Variants in SULT4A1 observed in about 807,000 individuals in gnomAD.
SULT4A1 encodes sulfotransferase 4A1.
Under a neutral mutation model 35.2 loss-of-function variants are expected in SULT4A1, and 11 were observed. That is an observed-to-expected ratio of 0.31 (90% CI 0.20 to 0.52). The LOEUF (loss-of-function observed/expected upper bound fraction) is 0.52, where lower values mean the gene tolerates loss of function less well. Among genes scored for constraint, SULT4A1 ranks in the 20% least tolerant of loss-of-function variants. The pLI is 0.97. For missense variants in SULT4A1, 271 were observed against 383.7 expected (o/e 0.71, Z 2.45); for synonymous variants, 152 against 151.8 (o/e 1.00, Z -0.01).
intron 1 of SULT4A1, among the ~76,000 whole-genome samples, chr22:43,843,674 A>G (rs1441713175): frequency 6.6e-6 from 1 of 152,224 alleles, no homozygotes; most frequent in African/African-American, 2.4e-5. Flanking sequence ...AGCTGAACAC[A>G]TGGGGGTTCC....
intron 5 of SULT4A1, among the ~76,000 whole-genome samples, chr22:43,829,428 G>T (rs995956794): frequency 2.6e-5 from 4 of 152,102 alleles, no homozygotes; most frequent in Admixed American, 2.6e-4. Context: ...GGTCCTCCAG[G>T]GAATTGGGTT....
At chr22:43,841,613 T>A (rs1278546839) in intron 2 of SULT4A1, among the ~76,000 whole-genome samples, 189 bp downstream of exon 2, 1 of 152,136 alleles carries the variant, frequency 6.6e-6, no homozygotes, top group Non-Finnish European at 1.5e-5. Context: ...GACGCTGATG[T>A]GTCACCCACG....
chr22:43,844,755 C>A (rs917384269), intron 1 of SULT4A1, among the ~76,000 whole-genome samples: 1 of 152,306 alleles, frequency 6.6e-6, no homozygotes, highest in South Asian at 2.1e-4. Context: ...CCCTTCAAGT[C>A]GGCCTTTTCT....
At chr22:43,835,206 G>A (rs1401484141) in intron 4 of SULT4A1, among the ~76,000 whole-genome samples, 1 of 152,246 alleles carries the variant, frequency 6.6e-6, no homozygotes, top group Non-Finnish European at 1.5e-5. Flanking sequence ...GGTGTGGGGT[G>A]GGGCACACAG....
At chr22:43,835,437 G>A (rs973677558) in intron 4 of SULT4A1, among the ~76,000 whole-genome samples, 1 of 152,198 alleles carries the variant, frequency 6.6e-6, no homozygotes, top group Non-Finnish European at 1.5e-5. Context: ...GAGGAGCGCT[G>A]GCTGTAGAGA....
At chr22:43,841,225 G>C (rs994841686) in intron 2 of SULT4A1, among the ~76,000 whole-genome samples, 5 of 152,192 alleles carry the variant, frequency 3.3e-5, no homozygotes, top group African/African-American at 1.2e-4. Flanking sequence ...GGGAGGGATG[G>C]CACTCTCAGA....
chr22:43,860,325 C>CT (rs1403461811), intron 1 of SULT4A1, among the ~76,000 whole-genome samples: 1 of 58 alleles, frequency 0.017, no homozygotes, highest in Non-Finnish European at 0.033. Context: ...CCAGATGGGG[C>CT]CCTCTCGGCT....
At chr22:43,856,081 T>G (rs2049398397) in intron 1 of SULT4A1, among the ~76,000 whole-genome samples, 1 of 152,198 alleles carries the variant, frequency 6.6e-6, no homozygotes, top group Admixed American at 6.5e-5. Context: ...CAGGCTCTTC[T>G]CCAGACCTAG....
At chr22:43,828,976 C>G (rs35440494) in intron 6 of SULT4A1, 84 bp downstream of exon 6, 174,837 of 1,404,662 alleles carry the variant, frequency 0.12, 11,581 homozygotes, top group Admixed American at 0.13. Context: ...CAACAGGGAC[C>G]GGACTCGGCT....
At chr22:43,844,612 C>T (rs913861611) in intron 1 of SULT4A1, among the ~76,000 whole-genome samples, 1 of 152,222 alleles carries the variant, frequency 6.6e-6, no homozygotes, top group African/African-American at 2.4e-5. Context: ...TTTACTGAGG[C>T]CCTCTGAGCT....
In SULT4A1 at chr22:43,829,072, G is replaced by A. The variant is rs1405182983; in HGVS notation, c.730C>T (p.Pro244Ser). Residue 244 changes from proline to serine, a missense_variant, in exon 6 of 7, where the codon CCC (proline) becomes TCC (serine). Transcript: ENST00000330884. ...GTGGGGCACGTACCCCGGCCCACGG[G>A]CAGGGCCTCAGCGTTGCAGCACTGG... ...VDQCCNAEAL[P>S]VGRGRVGLWK... The A allele has an allele frequency of 6.5e-7, 1 of 1,535,948 alleles. No homozygotes were observed.
chr22:43,845,660 G>A (rs1315166285), intron 1 of SULT4A1, among the ~76,000 whole-genome samples: 1 of 152,146 alleles, frequency 6.6e-6, no homozygotes, highest in Non-Finnish European at 1.5e-5. Flanking sequence ...CCAACCCCCA[G>A]GCCACGGGTC....
chr22:43,849,644 C>T (rs1488406489), intron 1 of SULT4A1, among the ~76,000 whole-genome samples: 2 of 152,150 alleles, frequency 1.3e-5, no homozygotes, highest in African/African-American at 4.8e-5. Flanking sequence ...AGCTCCCCTT[C>T]CCGCTGAGAG....
intron 1 of SULT4A1, among the ~76,000 whole-genome samples, chr22:43,858,350 T>G (rs893971113): frequency 6.6e-6 from 1 of 152,134 alleles, no homozygotes; most frequent in African/African-American, 2.4e-5. Context: ...TGCAGGCTTT[T>G]GCCTCCCAGC....
At chr22:43,855,539 G>A (rs1297528176) in intron 1 of SULT4A1, among the ~76,000 whole-genome samples, 3 of 152,146 alleles carry the variant, frequency 2.0e-5, no homozygotes, top group Admixed American at 2.0e-4. Flanking sequence ...TTAGCTTCCA[G>A]AAAATGCCAG....
At chr22:43,840,580 G>A (rs117271932) in intron 2 of SULT4A1, among the ~76,000 whole-genome samples, 5,655 of 152,280 alleles carry the variant, frequency 0.037, 141 homozygotes, top group Non-Finnish European at 0.054. Context: ...TGGCGTCGGA[G>A]GGCAGCAGAG....
At chr22:43,830,957 T>C (rs957601131) in intron 5 of SULT4A1, among the ~76,000 whole-genome samples, 3 of 152,172 alleles carry the variant, frequency 2.0e-5, no homozygotes, top group Non-Finnish European at 4.4e-5. Context: ...AAACAAGCCA[T>C]TACTGAGGTT....
At chr22:43,844,177 T>G (rs2063456685) in intron 1 of SULT4A1, among the ~76,000 whole-genome samples, 1 of 152,144 alleles carries the variant, frequency 6.6e-6, no homozygotes. Context: ...TTTCTCCAAC[T>G]GATACGCACA....
At chr22:43,849,186 C>T (rs551608519) in intron 1 of SULT4A1, among the ~76,000 whole-genome samples, 2 of 152,170 alleles carry the variant, frequency 1.3e-5, no homozygotes, top group Admixed American at 6.5e-5. Context: ...CAGAAAGCAT[C>T]AGAACTGATC....
Sources: gnomAD v4.1 joint callset for allele counts (sites outside exome capture counted in the v4.1 genomes callset) on GRCh38, gnomAD v4.1.1 for gene constraint, MANE v1.5 for transcripts, NCBI Gene and HGNC (gene_info 2026-07-23, HGNC 2026-07-21) for gene names.